Variants in MARCHF11 observed in about 807,000 individuals in gnomAD.
MARCHF11 encodes the protein membrane associated ring-CH-type finger 11, also known as E3 ubiquitin-protein ligase MARCHF11.
In MARCHF11, 29 loss-of-function variants were observed where a neutral mutation model predicts 37.3. The ratio of observed to expected loss-of-function variants is 0.78; its 90% confidence interval spans 0.58 to 1.06. MARCHF11 has a LOEUF of 1.06. Ranked by LOEUF, MARCHF11 falls within the 50% of genes least tolerant of loss-of-function variation. MARCHF11 has a pLI of 0.00. For synonymous variants in MARCHF11, 233 were observed against 228.0 expected (o/e 1.02, Z -0.20); for missense variants, 482 against 533.4 (o/e 0.90, Z 0.95).
chr5:16,162,310 C>G (rs1738092696), intron 2 of MARCHF11, among the ~76,000 whole-genome samples: 3 of 151,896 alleles, frequency 2.0e-5, no homozygotes, highest in Non-Finnish European at 4.4e-5. Context: ...GAAAACTGAG[C>G]CTTTATCAAG....
intron 3 of MARCHF11, among the ~76,000 whole-genome samples, chr5:16,074,933 T>C (rs1736493055): frequency 6.6e-6 from 1 of 152,176 alleles, no homozygotes; most frequent in Non-Finnish European, 1.5e-5. Context: ...CCCTGTCTGC[T>C]TCATGAAGTC....
intron 2 of MARCHF11, among the ~76,000 whole-genome samples, chr5:16,105,631 G>T (rs1304394907): frequency 6.6e-6 from 1 of 152,144 alleles, no homozygotes; most frequent in Non-Finnish European, 1.5e-5. Context: ...GCCAATGGCT[G>T]CAGGGGATCC....
At chr5:16,159,128 C>A (rs564156643) in intron 2 of MARCHF11, among the ~76,000 whole-genome samples, 1 of 151,822 alleles carries the variant, frequency 6.6e-6, no homozygotes, top group Non-Finnish European at 1.5e-5. Flanking sequence ...TTAAAAAAAA[C>A]CATATTGACA....
intron 2 of MARCHF11, among the ~76,000 whole-genome samples, chr5:16,109,135 C>CACAT (rs1364229374): frequency 1.3e-5 from 2 of 151,900 alleles, no homozygotes; most frequent in African/African-American, 4.8e-5. Context: ...CACACACACA[C>CACAT]ACACACGTTT....
intron 2 of MARCHF11, among the ~76,000 whole-genome samples, chr5:16,170,075 T>C (rs1419533361): frequency 1.3e-5 from 2 of 152,142 alleles, no homozygotes; most frequent in Non-Finnish European, 2.9e-5. Flanking sequence ...TTTGAAGTTA[T>C]GTTACAACCG....
intron 2 of MARCHF11, among the ~76,000 whole-genome samples, chr5:16,107,721 C>T (rs1049988910): frequency 3.3e-5 from 5 of 151,904 alleles, no homozygotes; most frequent in South Asian, 4.2e-4. Flanking sequence ...ATATAAATAC[C>T]GAACCCCAGG....
chr5:16,086,682 T>A (rs1226158313), intron 3 of MARCHF11, among the ~76,000 whole-genome samples: 1 of 152,224 alleles, frequency 6.6e-6, no homozygotes, highest in Non-Finnish European at 1.5e-5. Flanking sequence ...TCTGGTTCTA[T>A]CAGATGCTAA....
At chr5:16,083,505 G>T (rs897846183) in intron 3 of MARCHF11, among the ~76,000 whole-genome samples, 1 of 152,144 alleles carries the variant, frequency 6.6e-6, no homozygotes, top group Non-Finnish European at 1.5e-5. Flanking sequence ...GCTCGTCTAT[G>T]GTTCATGAAC....
chr5:16,100,839 C>A (rs1228283913), intron 2 of MARCHF11, among the ~76,000 whole-genome samples: 1 of 152,170 alleles, frequency 6.6e-6, no homozygotes, highest in Non-Finnish European at 1.5e-5. Context: ...ACAACAGCAA[C>A]AACTATTTGG....
chr5:16,144,358 C>T (rs562442731), intron 2 of MARCHF11, among the ~76,000 whole-genome samples: 6 of 152,282 alleles, frequency 3.9e-5, no homozygotes, highest in African/African-American at 1.4e-4. Context: ...GATACCCAGA[C>T]CATGCACACT....
chr5:16,085,342 C>A (rs371555894), intron 3 of MARCHF11, among the ~76,000 whole-genome samples: 1 of 152,068 alleles, frequency 6.6e-6, no homozygotes, highest in Non-Finnish European at 1.5e-5. Flanking sequence ...CATGTCGCAT[C>A]CCTGCGATCC....
chr5:16,085,591 C>CGGGGG (rs5866169), intron 3 of MARCHF11, among the ~76,000 whole-genome samples: 1 of 82,188 alleles, frequency 1.2e-5, no homozygotes, highest in Admixed American at 1.0e-4. Context: ...TGGGTGGGGT[C>CGGGGG]GGGGGGGGGA....
rs1017026994 is a variant in MARCHF11 at position 16,113,688 on chromosome 5, T to C, written c.694-22607A>G. Among the ~76,000 whole-genome samples the C allele has an allele frequency of 2.0e-5, 3 of 152,192 alleles. No homozygotes were observed. In the East Asian group the frequency reaches 5.8e-4, roughly 29 times the overall value. ...GAAAGATAATATTTATAGATATATA[T>C]GGGGCATGTATTTTGACACATGCAT... On this transcript the variant is annotated intron_variant, in intron 2 of 3. Coordinates refer to ENST00000332432, the MANE Select transcript of MARCHF11 (RefSeq NM_001102562.3).
At chr5:16,079,203 A>AG (rs1343224224) in intron 3 of MARCHF11, among the ~76,000 whole-genome samples, 1 of 152,138 alleles carries the variant, frequency 6.6e-6, no homozygotes, top group East Asian at 1.9e-4. Context: ...TTGCTCTTCC[A>AG]GAAACCATTC....
At chr5:16,152,887 G>A (rs1004912259) in intron 2 of MARCHF11, among the ~76,000 whole-genome samples, 6 of 151,964 alleles carry the variant, frequency 3.9e-5, no homozygotes, top group African/African-American at 1.4e-4. Flanking sequence ...TTATGTTAAT[G>A]TAATATGATA....
At chr5:16,152,475 T>C (rs181997787) in intron 2 of MARCHF11, among the ~76,000 whole-genome samples, 36 of 152,160 alleles carry the variant, frequency 2.4e-4, no homozygotes, top group Admixed American at 2.0e-3. Flanking sequence ...CAGGATCCAG[T>C]CTGATGCAAA....
At chr5:16,146,507 T>C (rs556590355) in intron 2 of MARCHF11, among the ~76,000 whole-genome samples, 2 of 152,194 alleles carry the variant, frequency 1.3e-5, no homozygotes, top group South Asian at 2.1e-4. Context: ...TGGAGAACAG[T>C]AGAAAGACCC....
intron 2 of MARCHF11, among the ~76,000 whole-genome samples, chr5:16,119,685 A>G (rs2126576170): frequency 6.6e-6 from 1 of 152,238 alleles, no homozygotes; most frequent in Admixed American, 6.5e-5. Context: ...TGAACACTAT[A>G]TGTTTTGGGA....
At chr5:16,081,540 G>A (rs530216907) in intron 3 of MARCHF11, among the ~76,000 whole-genome samples, 11 of 152,244 alleles carry the variant, frequency 7.2e-5, no homozygotes, top group Admixed American at 1.3e-4. Context: ...TTTGGCCCTC[G>A]GGCTGCAATT....
Sources: allele counts gnomAD v4.1 joint callset (sites outside exome capture counted in the v4.1 genomes callset), GRCh38; gene constraint gnomAD v4.1.1; transcripts MANE v1.5; gene names NCBI Gene and HGNC (gene_info 2026-07-23, HGNC 2026-07-21).